ATP9B: variants seen among roughly 807,000 people sequenced by gnomAD.
ATP9B encodes the protein ATPase phospholipid transporting 9B.
In ATP9B, 110 loss-of-function variants were observed where a neutral mutation model predicts 146.1. That is an observed-to-expected ratio of 0.75 (90% confidence interval 0.65 to 0.88). The LOEUF (loss-of-function observed/expected upper bound fraction) is 0.88, where lower values mean the gene tolerates loss of function less well. ATP9B is among the 40% of genes least tolerant of loss of function. The probability of loss-of-function intolerance (pLI) is 0.00; values close to 1 mark genes in which losing one functional copy is unlikely to be tolerated. For missense variants in ATP9B, 1,499 were observed against 1,496.4 expected (o/e 1.00, Z -0.03); for synonymous variants, 604 against 569.7 (o/e 1.06, Z -0.86).
intron 7 of ATP9B, among the ~76,000 whole-genome samples, chr18:79,161,227 T>A (rs541990997): frequency 3.2e-4 from 49 of 152,306 alleles, no homozygotes; most frequent in African/African-American, 1.1e-3. Flanking sequence ...ACTTTCAAAT[T>A]GATGATGTTT....
intron 12 of ATP9B, among the ~76,000 whole-genome samples, chr18:79,262,799 A>C (rs1298157368): frequency 2.0e-5 from 3 of 152,228 alleles, no homozygotes; most frequent in African/African-American, 7.2e-5. Context: ...TTCAGAGTTA[A>C]GGTGCCATAC....
intron 13 of ATP9B, among the ~76,000 whole-genome samples, chr18:79,293,517 C>T (rs1444388106): frequency 6.6e-6 from 1 of 152,122 alleles, no homozygotes; most frequent in Non-Finnish European, 1.5e-5. Flanking sequence ...TGAGCCTCCT[C>T]CCATCATGGG....
intron 17 of ATP9B, among the ~76,000 whole-genome samples, chr18:79,333,325 C>T (rs1437743866): frequency 6.6e-6 from 1 of 152,236 alleles, no homozygotes; most frequent in Non-Finnish European, 1.5e-5. Context: ...TGCATGTCCA[C>T]CCCAAGGGCT....
rs563523101 is a variant in ATP9B, at chr18:79,294,273, A to G, written c.1412-9331A>G. Among the ~76,000 whole-genome samples, 163 of 152,356 alleles carry G rather than the reference A, an allele frequency of 1.1e-3. 2 individuals carry two copies. Among genetic ancestry groups the G allele is most frequent in the African/African-American group, 3.5e-3 (147 of 41,594 alleles). ...CCCAAAGTCAATGATAAGTACCTCAACTATATGCCACTTTCAACCCATGAT... is the reference window on the plus strand; with the variant it reads ...CCCAAAGTCAATGATAAGTACCTCAGCTATATGCCACTTTCAACCCATGAT... On this transcript the variant is annotated intron_variant, in intron 13 of 29. Transcript: ENST00000426216.
At chr18:79,293,916 C>T (rs1277607529) in intron 13 of ATP9B, among the ~76,000 whole-genome samples, 1 of 152,152 alleles carries the variant, frequency 6.6e-6, no homozygotes, top group Non-Finnish European at 1.5e-5. Context: ...GTTTCTGTGA[C>T]AGCTATCTGG....
chr18:79,375,478 A>G (rs566540947), intron 29 of ATP9B, 52 bp downstream of exon 29: 1 of 1,578,644 alleles, frequency 6.3e-7, no homozygotes, highest in African/African-American at 1.4e-5. Flanking sequence ...GCCAAACAAT[A>G]TTGATAAAGA....
intron 9 of ATP9B, among the ~76,000 whole-genome samples, chr18:79,196,575 G>C (rs908296303): frequency 2.6e-5 from 4 of 152,308 alleles, no homozygotes; most frequent in Middle Eastern, 3.4e-3. Context: ...AGGAGAGTAG[G>C]ATGAAGGCAG....
chr18:79,188,392 C>T lies in ATP9B; in HGVS notation c.874-4791C>T, dbSNP rs1376445930. On this transcript the variant is annotated intron_variant, in intron 8 of 29. Transcript: ENST00000426216. Reference sequence around the variant, plus strand: ...AAATTGATGGTTACCAGTTTTAGCTCGGCCCTCGGTGCTCCCTGTAATCCT... The same window carrying T: ...AAATTGATGGTTACCAGTTTTAGCTTGGCCCTCGGTGCTCCCTGTAATCCT... Among the ~76,000 whole-genome samples the T allele has an allele frequency of 3.3e-5, 5 of 152,302 alleles. No individual in the cohort carries two copies. The South Asian group carries it at 6.2e-4, about 19-fold the overall frequency.
intron 11 of ATP9B, among the ~76,000 whole-genome samples, chr18:79,218,545 T>A (rs1415899466): frequency 6.6e-6 from 1 of 151,580 alleles, no homozygotes; most frequent in Non-Finnish European, 1.5e-5. Context: ...TTGTGTTCCT[T>A]GTCTGATGCA....
chr18:79,375,721 G>A (rs1352319252), intron 29 of ATP9B: 29 of 985,248 alleles, frequency 2.9e-5, no homozygotes, highest in Non-Finnish European at 3.4e-5. Context: ...CAGTTGTAGG[G>A]GCTGAGCTGC....
intron 1 of ATP9B, among the ~76,000 whole-genome samples, chr18:79,072,449 A>G (rs1456039653): frequency 6.6e-6 from 1 of 152,222 alleles, no homozygotes; most frequent in Non-Finnish European, 1.5e-5. Context: ...CACATGTTTC[A>G]GAGAGCACGG....
chr18:79,208,606 TAGTGTTTTGTGTCTTTAA>T (rs919411618), intron 10 of ATP9B, among the ~76,000 whole-genome samples: 2 of 152,174 alleles, frequency 1.3e-5, no homozygotes, highest in Non-Finnish European at 2.9e-5. Context: ...CATCTTATCC[TAGTGTTTTGTGTCTTTAA>T]AAAATGCTTG....
chr18:79,157,405 A>AAAAAAAACAAC (rs2094806062), intron 7 of ATP9B, among the ~76,000 whole-genome samples: 2 of 124,682 alleles, frequency 1.6e-5, no homozygotes, highest in Admixed American at 8.4e-5. Flanking sequence ...TCAAAAAAAA[A>AAAAAAAACAAC]AAAAAAAAAA....
At chr18:79,273,365 T>G (rs2096275636) in intron 12 of ATP9B, among the ~76,000 whole-genome samples, 5 of 152,212 alleles carry the variant, frequency 3.3e-5, no homozygotes, top group Admixed American at 2.0e-4. Flanking sequence ...GCCTCCCTAA[T>G]ATCCCATGAA....
chr18:79,125,472 C>CA (rs1241841429), intron 4 of ATP9B, among the ~76,000 whole-genome samples: 4 of 152,202 alleles, frequency 2.6e-5, no homozygotes, highest in African/African-American at 9.6e-5. Flanking sequence ...ATACAGAAAA[C>CA]AAAAAACTGA....
At chr18:79,090,732 G>T (rs1409864444) in intron 1 of ATP9B, among the ~76,000 whole-genome samples, 2 of 152,080 alleles carry the variant, frequency 1.3e-5, no homozygotes, top group Non-Finnish European at 2.9e-5. Flanking sequence ...TCTGTGGGTT[G>T]TCTCTTCACT....
intron 11 of ATP9B, among the ~76,000 whole-genome samples, chr18:79,215,894 T>G (rs1239687953): frequency 6.6e-6 from 1 of 152,150 alleles, no homozygotes; most frequent in African/African-American, 2.4e-5. Context: ...TTCACCATGT[T>G]GGCCAGGCTG....
intron 18 of ATP9B, 30 bp from the exon 19 acceptor site, chr18:79,337,249 G>A: frequency 6.2e-7 from 1 of 1,612,960 alleles, no homozygotes. Context: ...GTACACGTGT[G>A]CACACAGGCG....
At chr18:79,148,558 ACT>A (rs2094629577) in intron 6 of ATP9B, among the ~76,000 whole-genome samples, 1 of 152,118 alleles carries the variant, frequency 6.6e-6, no homozygotes, top group African/African-American at 2.4e-5. Context: ...CATGATAAAA[ACT>A]CTGAGCAGGT....
Sources: gnomAD v4.1 joint callset for allele counts (sites outside exome capture counted in the v4.1 genomes callset) on GRCh38, gnomAD v4.1.1 for gene constraint, MANE v1.5 for transcripts, NCBI Gene and HGNC (gene_info 2026-07-23, HGNC 2026-07-21) for gene names.